The following GABRA2 variants were observed in gnomAD, a reference collection of about 807,000 sequenced individuals.
GABRA2 encodes gamma-aminobutyric acid receptor subunit alpha-2.
In GABRA2, 16 loss-of-function variants were observed where a neutral mutation model predicts 48.7. The observed-to-expected ratio is 0.33, with a 90% CI of 0.22 to 0.50. The LOEUF (loss-of-function observed/expected upper bound fraction) is 0.50, where lower values mean the gene tolerates loss of function less well. Ranked by LOEUF, GABRA2 falls within the 20% of genes least tolerant of loss-of-function variation. GABRA2 has a pLI of 0.98. For missense variants in GABRA2, 275 were observed against 535.6 expected, an observed-to-expected ratio of 0.51 and a Z score of 4.80; for synonymous variants, 185 against 184.5, an observed-to-expected ratio of 1.00 and a Z score of -0.02.
At chr4:46,373,477 G>A (rs1715243944) in intron 3 of GABRA2, among the ~76,000 whole-genome samples, 1 of 152,072 alleles carries the variant, frequency 6.6e-6, no homozygotes, top group Admixed American at 6.6e-5. Flanking sequence ...GTATGTACTG[G>A]AACAGTAATA....
chr4:46,323,776 GA>G (rs1729858476), intron 4 of GABRA2, among the ~76,000 whole-genome samples: 2 of 151,160 alleles, frequency 1.3e-5, no homozygotes. Flanking sequence ...GGAGCACAGG[GA>G]TAAAGAGGAC....
chr4:46,326,132 G>A (rs1412037457), intron 4 of GABRA2, among the ~76,000 whole-genome samples: 1 of 151,910 alleles, frequency 6.6e-6, no homozygotes, highest in Non-Finnish European at 1.5e-5. Context: ...TTGATAGTGT[G>A]ATAGGAATAA....
chr4:46,302,855 C>T (rs944636520), intron 8 of GABRA2, among the ~76,000 whole-genome samples: 2 of 152,170 alleles, frequency 1.3e-5, no homozygotes, highest in African/African-American at 4.8e-5. Context: ...AGAGAACCCT[C>T]TTTCTTGTTC....
chr4:46,307,950 A>G (rs1474551870), intron 6 of GABRA2, among the ~76,000 whole-genome samples: 1 of 152,196 alleles, frequency 6.6e-6, no homozygotes, highest in African/African-American at 2.4e-5. Flanking sequence ...ATGTTTCTCA[A>G]TAAAGTATCA....
At chr4:46,267,157 G>A (rs1228518647) in intron 8 of GABRA2, among the ~76,000 whole-genome samples, 2 of 151,724 alleles carry the variant, frequency 1.3e-5, no homozygotes, top group Non-Finnish European at 2.9e-5. Flanking sequence ...TTTTCTTTCT[G>A]TTCCTCATAT....
chr4:46,349,649 T>G (rs1734785891), intron 3 of GABRA2, among the ~76,000 whole-genome samples: 1 of 151,968 alleles, frequency 6.6e-6, no homozygotes, highest in South Asian at 2.1e-4. Flanking sequence ...TTGTTGGCAA[T>G]AGTACAAACC....
At chr4:46,344,353 A>T (rs1733794952) in intron 3 of GABRA2, among the ~76,000 whole-genome samples, 1 of 151,898 alleles carries the variant, frequency 6.6e-6, no homozygotes, top group Non-Finnish European at 1.5e-5. Flanking sequence ...TATTTGCTTG[A>T]TTTAGAGATC....
In GABRA2 at chr4:46,249,695, A is replaced by T. The variant is rs201862415; in HGVS notation, c.*613T>A. 2 of 151,542 alleles carry T rather than the reference A, an allele frequency of 1.3e-5. No individual in the cohort carries two copies. The highest frequency in any genetic ancestry group is 2.0e-4 in the East Asian group (1 of 5,114). 9.4% of individuals were successfully genotyped at this position (151,542 alleles called of 1,614,324 possible). A position where few individuals can be genotyped will look rare whatever the true frequency, so the allele number is the denominator to read the frequency against. ...TTATTACATCGTAGGCATAATTAAC[A>T]TCCTTTCGGGCTGACTCATAATTAT... On this transcript the variant is annotated 3_prime_UTR_variant, in exon 10 of 10. Transcript: ENST00000381620.
chr4:46,254,053 A>G (rs866577223), intron 9 of GABRA2, among the ~76,000 whole-genome samples: 7 of 151,494 alleles, frequency 4.6e-5, no homozygotes, highest in Non-Finnish European at 8.9e-5. Context: ...CATAATATAT[A>G]TTATTAATAT....
Position 46,311,920 on chromosome 4 carries a change from G to T in GABRA2, c.476+576C>A, listed in dbSNP as rs545424292. Reference sequence around the variant, plus strand: ...TCGGGGCCAGCCTGGCCAACATGGCGAAACACCGTCTCTACTAAAAATACA... The same window carrying T: ...TCGGGGCCAGCCTGGCCAACATGGCTAAACACCGTCTCTACTAAAAATACA... On this transcript the variant is annotated intron_variant, in intron 5 of 9. Coordinates refer to ENST00000381620, the MANE Select transcript of GABRA2 (RefSeq NM_000807.4). Among the ~76,000 whole-genome samples the T allele has an allele frequency of 3.9e-5, 6 of 152,130 alleles. No individual in the cohort carries two copies. The East Asian group carries it at 1.2e-3, about 29-fold the overall frequency.
Position 46,286,145 on chromosome 4 carries a change from C to T in GABRA2, c.856+17315G>A, listed in dbSNP as rs183012104. Among the ~76,000 whole-genome samples the T allele has an allele frequency of 2.8e-3, 419 of 152,084 alleles. 2 individuals are homozygous for T. Among genetic ancestry groups the T allele is most frequent in the African/African-American group, 9.6e-3 (398 of 41,528 alleles). ...CTCCTATCCACTGGCAACCACTGAA[C>T]CATTTCTGTCTCTATGGATTTGTCT... On this transcript the variant is annotated intron_variant, in intron 8 of 9. Transcript: ENST00000381620.
chr4:46,291,398 T>C (rs1723593393), intron 8 of GABRA2, among the ~76,000 whole-genome samples: 2 of 152,130 alleles, frequency 1.3e-5, no homozygotes, highest in African/African-American at 4.8e-5. Context: ...TGTTACTGAG[T>C]GTCAACTTGA....
At chr4:46,381,217 A>G (rs899763187) in intron 3 of GABRA2, among the ~76,000 whole-genome samples, 1 of 152,158 alleles carries the variant, frequency 6.6e-6, no homozygotes, top group Non-Finnish European at 1.5e-5. Context: ...TACACATTCA[A>G]TTTTCCAATG....
intron 8 of GABRA2, among the ~76,000 whole-genome samples, chr4:46,287,096 A>G (rs556970880): frequency 6.6e-6 from 1 of 152,186 alleles, no homozygotes; most frequent in African/African-American, 2.4e-5. Flanking sequence ...TTGAGATGTC[A>G]TATATTTCTG....
intron 5 of GABRA2, among the ~76,000 whole-genome samples, chr4:46,311,873 T>G (rs1293765624): frequency 6.6e-6 from 1 of 152,118 alleles, no homozygotes; most frequent in Non-Finnish European, 1.5e-5. Context: ...CCGAGGTGGG[T>G]GGATCACTTG....
intron 8 of GABRA2, among the ~76,000 whole-genome samples, chr4:46,262,973 AGAGAGG>A (rs1398709171): frequency 1.7e-4 from 24 of 141,114 alleles, no homozygotes; most frequent in Admixed American, 7.6e-4. Flanking sequence ...AGAGAGAGAG[AGAGAGG>A]GAGGGAGGGA....
chr4:46,308,683 C>G (rs1481513767), intron 6 of GABRA2, among the ~76,000 whole-genome samples: 1 of 152,204 alleles, frequency 6.6e-6, no homozygotes, highest in East Asian at 1.9e-4. Flanking sequence ...ATTTGTTGCT[C>G]ATAGCTCCTT....
rs1487724969 is a variant in GABRA2, at chr4:46,390,110, G to T, written c.-386C>A. Reference sequence around the variant, plus strand: ...AGGCGCGGTGCGCGCCGGCGGTGGCGGGCACGAGCCCCGCGCCTGGAGGAG... The same window carrying T: ...AGGCGCGGTGCGCGCCGGCGGTGGCTGGCACGAGCCCCGCGCCTGGAGGAG... On this transcript the variant is annotated 5_prime_UTR_variant, in exon 1 of 10. Coordinates refer to ENST00000381620, the MANE Select transcript of GABRA2 (RefSeq NM_000807.4). The T allele has an allele frequency of 1.1e-5, 11 of 975,088 alleles. No homozygotes were observed. Among genetic ancestry groups the T allele is most frequent in the Non-Finnish European group, 1.3e-5 (11 of 820,908 alleles). The allele number at this position is 975,088 out of a possible 1,614,324, so 60.4% of individuals were successfully genotyped here.
At chr4:46,340,690 G>A (rs528843076) in intron 3 of GABRA2, among the ~76,000 whole-genome samples, 1 of 152,026 alleles carries the variant, frequency 6.6e-6, no homozygotes, top group South Asian at 2.1e-4. Flanking sequence ...ACATGTTGCT[G>A]AATTTAATTT....
Sources: allele counts gnomAD v4.1 joint callset (sites outside exome capture counted in the v4.1 genomes callset), GRCh38; gene constraint gnomAD v4.1.1; transcripts MANE v1.5; gene names NCBI Gene and HGNC (gene_info 2026-07-23, HGNC 2026-07-21).